Variants in KLF7 observed in about 807,000 individuals in gnomAD.
The protein encoded by KLF7 is Krueppel-like factor 7.
Under a neutral mutation model 27.3 loss-of-function variants are expected in KLF7, and 2 were observed. That is an observed-to-expected ratio of 0.07 (90% confidence interval 0.03 to 0.23). The LOEUF is 0.23. Among genes scored for constraint, KLF7 ranks in the 10% least tolerant of loss-of-function variants. The pLI is 1.00. For synonymous variants in KLF7, 165 were observed against 162.4 expected, an observed-to-expected ratio of 1.02 and a Z score of -0.12; for missense variants, 221 against 394.1, an observed-to-expected ratio of 0.56 and a Z score of 3.72.
chr2:207,165,355 G>A lies in KLF7; in HGVS notation c.102+112C>T. Reference sequence around the variant, plus strand: ...TCAACAACAGACAGCCAAAAAGGAAGAAAAAAAAGTCAAACAAACAAACAA... The same window carrying A: ...TCAACAACAGACAGCCAAAAAGGAAAAAAAAAAAGTCAAACAAACAAACAA... On this transcript the variant is annotated intron_variant, in intron 1 of 3. Transcript: ENST00000309446. 4.1e-6 allele frequency: 6 copies of A among 1,460,468 alleles called. No homozygotes were observed. In the South Asian group the frequency reaches 6.0e-5, roughly 15 times the overall value. The allele number at this position is 1,460,468 out of a possible 1,614,324, so 90.5% of individuals were successfully genotyped here. A position where few individuals can be genotyped will look rare whatever the true frequency, so the allele number is the denominator to read the frequency against.
chr2:207,167,098 A>G (rs958124509), upstream of KLF7: 230 of 1,400,130 alleles, frequency 1.6e-4, 1 homozygote, highest in Non-Finnish European at 1.9e-4. Context: ...CGCAAGCTGG[A>G]GCCGGCAGCT....
At chr2:207,089,378 G>A (rs936821184) in intron 2 of KLF7, among the ~76,000 whole-genome samples, 3 of 152,186 alleles carry the variant, frequency 2.0e-5, no homozygotes, top group Non-Finnish European at 4.4e-5. Context: ...AAACACTTGT[G>A]CTCAAGTGAC....
chr2:207,165,846 G>C lies in KLF7; in HGVS notation c.-278C>G, dbSNP rs1044283111. On this transcript the variant is annotated 5_prime_UTR_variant, in exon 1 of 4. Transcript: ENST00000309446. ...AGGAAAAGGGGACTTCTCCACGGGA[G>C]TAACAATTCCCTTCCAGGGCTCTAA... is the stretch of plus-strand genomic sequence containing the variant. 3.3e-5 allele frequency: 43 copies of C among 1,294,976 alleles called. No individual in the cohort carries two copies. The highest frequency in any genetic ancestry group is 1.3e-5 in the Non-Finnish European group (13 of 1,016,088). The allele number at this position is 1,294,976 out of a possible 1,614,324, so 80.2% of individuals were successfully genotyped here.
At chr2:207,159,881 G>A (rs1326205406) in intron 1 of KLF7, among the ~76,000 whole-genome samples, 1 of 152,064 alleles carries the variant, frequency 6.6e-6, no homozygotes, top group Non-Finnish European at 1.5e-5. Flanking sequence ...CAAATACCCC[G>A]AGAAGGAAAA....
intron 1 of KLF7, among the ~76,000 whole-genome samples, chr2:207,153,371 T>C (rs757011169): frequency 1.3e-5 from 2 of 152,040 alleles, no homozygotes; most frequent in Non-Finnish European, 2.9e-5. Context: ...ACAACAACAA[T>C]GAAAGGTTCA....
upstream of KLF7, among the ~76,000 whole-genome samples, chr2:207,171,273 T>C (rs923190310): frequency 6.6e-6 from 1 of 151,956 alleles, no homozygotes; most frequent in African/African-American, 2.4e-5. Context: ...AAAAATTACA[T>C]GAATGAGGAG....
In KLF7 at chr2:207,074,924, C is replaced by T. The variant is rs899495500; in HGVS notation, c.*6289G>A. On this transcript the variant is annotated 3_prime_UTR_variant, in exon 4 of 4. Transcript: ENST00000309446. The stretch of plus-strand genomic sequence containing the variant: ...AATGAAACTATAAAATACACACATA[C>T]GCACACACACACACAACTTCCCAAA... 4 of 152,150 alleles carry T rather than the reference C, an allele frequency of 2.6e-5. No homozygotes were observed. The highest frequency in any genetic ancestry group is 2.1e-4 in the South Asian group (1 of 4,828). The allele number at this position is 152,150 out of a possible 1,614,324, so 9.4% of individuals were successfully genotyped here. A position where few individuals can be genotyped will look rare whatever the true frequency, so the allele number is the denominator to read the frequency against.
chr2:207,107,002 C>T (rs2076899232), intron 2 of KLF7, among the ~76,000 whole-genome samples: 1 of 152,270 alleles, frequency 6.6e-6, no homozygotes, highest in South Asian at 2.1e-4. Flanking sequence ...CTTCCACGTT[C>T]TCATGCCTAA....
At chr2:207,124,998 G>A (rs1414379361) in intron 1 of KLF7, among the ~76,000 whole-genome samples, 2 of 152,168 alleles carry the variant, frequency 1.3e-5, no homozygotes, top group Non-Finnish European at 2.9e-5. Context: ...TCTAAAGAAT[G>A]TCTACCATAA....
intron 2 of KLF7, among the ~76,000 whole-genome samples, chr2:207,091,172 C>T (rs553232108): frequency 1.3e-5 from 2 of 152,276 alleles, no homozygotes; most frequent in East Asian, 1.9e-4. Flanking sequence ...CTGAAGTGGA[C>T]GTCTTTGGAT....
At position 207,080,069 on chromosome 2, in the gene KLF7, G is replaced by C. The variant is rs1170587511; in HGVS notation, c.*1144C>G. The C allele has an allele frequency of 6.6e-6, 1 of 152,182 alleles. No homozygotes were observed. The highest frequency in any genetic ancestry group is 1.9e-4 in the East Asian group (1 of 5,186). The allele number at this position is 152,182 out of a possible 1,614,324, so 9.4% of individuals were successfully genotyped here. ...CTCTGAGACTAGCGACATCTATGCT[G>C]TAACTGGTTATGGGGTAGCAATGAC... On this transcript the variant is annotated 3_prime_UTR_variant, in exon 4 of 4. Transcript: ENST00000309446.
chr2:207,163,051 T>C (rs2241262), intron 1 of KLF7, among the ~76,000 whole-genome samples: 30,972 of 152,100 alleles, frequency 0.2, 4,061 homozygotes, highest in East Asian at 0.5. Flanking sequence ...TCACCACCCC[T>C]TATACTCAGA....
At chr2:207,138,994 T>G (rs2077865228) in intron 1 of KLF7, among the ~76,000 whole-genome samples, 1 of 152,212 alleles carries the variant, frequency 6.6e-6, no homozygotes, top group Non-Finnish European at 1.5e-5. Flanking sequence ...GCGCCTACAC[T>G]ATCAGGATTT....
At chr2:207,143,022 T>C (rs1046222644) in intron 1 of KLF7, among the ~76,000 whole-genome samples, 1 of 152,188 alleles carries the variant, frequency 6.6e-6, no homozygotes, top group Non-Finnish European at 1.5e-5. Context: ...CCAGTGATAT[T>C]CCTGAACCTA....
chr2:207,147,792 G>A (rs1290658240), intron 1 of KLF7, among the ~76,000 whole-genome samples: 2 of 152,296 alleles, frequency 1.3e-5, no homozygotes, highest in South Asian at 2.1e-4. Context: ...TGTGTAACAC[G>A]ATATGCCGGA....
chr2:207,077,703 A>C lies in KLF7; in HGVS notation c.*3510T>G, dbSNP rs1298463479. The C allele has an allele frequency of 6.6e-6, 1 of 152,234 alleles. No individual in the cohort carries two copies. Among genetic ancestry groups the C allele is most frequent in the Non-Finnish European group, 1.5e-5 (1 of 68,054 alleles). 9.4% of individuals were successfully genotyped at this position (152,234 alleles called of 1,614,324 possible). ...TTAACCATGGGTGGGGCAGGAGGCC[A>C]GTAGCTAGGAGCAGCATTATAATTT... On this transcript the variant is annotated 3_prime_UTR_variant, in exon 4 of 4. Transcript: ENST00000309446.
intron 2 of KLF7, among the ~76,000 whole-genome samples, chr2:207,108,176 C>T (rs1053340270): frequency 6.6e-6 from 1 of 152,010 alleles, no homozygotes; most frequent in African/African-American, 2.4e-5. Flanking sequence ...AAGGTGCACA[C>T]CAGGAAAACC....
At chr2:207,173,803 A>G in the KLF7 span, 1 of 152,148 alleles carries the variant, frequency 6.6e-6, no homozygotes, top group Non-Finnish European at 1.5e-5. Flanking sequence ...TTCACCTACC[A>G]TCATGATAAA....
intron 2 of KLF7, among the ~76,000 whole-genome samples, chr2:207,103,096 T>A (rs548933959): frequency 6.6e-6 from 1 of 152,034 alleles, no homozygotes; most frequent in East Asian, 1.9e-4. Flanking sequence ...CCCAGCTAAT[T>A]TTTGTATTTT....
Sources: gnomAD v4.1 joint callset for allele counts (sites outside exome capture counted in the v4.1 genomes callset) on GRCh38, gnomAD v4.1.1 for gene constraint, MANE v1.5 for transcripts, NCBI Gene and HGNC (gene_info 2026-07-23, HGNC 2026-07-21) for gene names.